The following SIX4 variants were observed in gnomAD, a reference collection of about 807,000 sequenced individuals.
SIX4 encodes the protein homeobox protein SIX4.
Under a neutral mutation model 51.5 loss-of-function variants are expected in SIX4, and 23 were observed. That is an observed-to-expected ratio of 0.45 (90% CI 0.32 to 0.63). SIX4 has a LOEUF of 0.63. Among genes scored for constraint, SIX4 ranks in the 30% least tolerant of loss-of-function variants. The pLI is 0.04. For missense variants in SIX4, 867 were observed against 984.0 expected (o/e 0.88, Z 1.59); for synonymous variants, 413 against 417.3 (o/e 0.99, Z 0.13).
In SIX4 at chr14:60,722,494, T is replaced by C. The variant is rs1896040851; in HGVS notation, c.863+718A>G. 1.3e-5 allele frequency among the ~76,000 whole-genome samples: 2 copies of C among 152,060 alleles called. No homozygotes were observed. The highest frequency in any genetic ancestry group is 2.9e-5 in the Non-Finnish European group (2 of 67,996). ...CCCCGGCTGCGCTGAAACCCGATCCTAAGGAGTTCAGAATCAGGTTTCAAA... is the reference window on the plus strand; with the variant it reads ...CCCCGGCTGCGCTGAAACCCGATCCCAAGGAGTTCAGAATCAGGTTTCAAA... On this transcript the variant is annotated intron_variant, in intron 1 of 2. Coordinates refer to ENST00000216513, the MANE Select transcript of SIX4 (RefSeq NM_017420.5). This position sits in a 1 kb window ranked among gnomAD's most constrained non-coding sequence, Gnocchi z 5.9.
chr14:60,723,062 G>C (rs1011157744), intron 1 of SIX4, 150 bp downstream of exon 1: 4 of 1,412,670 alleles, frequency 2.8e-6, no homozygotes, highest in South Asian at 1.6e-5. Flanking sequence ...TCTGCCGGCC[G>C]GGGAGCGAGG....
At position 60,713,657 on chromosome 14, in the gene SIX4, G is replaced by T; in HGVS notation, c.2096C>A (p.Pro699His). The T allele has an allele frequency of 6.2e-7, 1 of 1,614,182 alleles. No homozygotes were observed. The highest frequency in any genetic ancestry group is 8.5e-7 in the Non-Finnish European group (1 of 1,180,036). The change falls in exon 3 of 3, where the codon CCC (proline) becomes CAC (histidine). Residue 699 changes from proline to histidine, a missense_variant. Transcript: ENST00000216513. ...AAAATCCTGATGTACTGCTGGGGAGGGGTGACCTACCTGATCTTCAGCTGT... is the reference window on the plus strand; with the variant it reads ...AAAATCCTGATGTACTGCTGGGGAGTGGTGACCTACCTGATCTTCAGCTGT... The part of the protein sequence containing the change: ...VPTAEDQVGH[P>H]SPAVHQDFVQ...
Position 60,724,309 on chromosome 14 carries a change from G to T in SIX4, c.-235C>A. The T allele has an allele frequency of 6.6e-7, 1 of 1,512,402 alleles. No individual in the cohort carries two copies. The highest frequency in any genetic ancestry group is 2.5e-5 in the East Asian group (1 of 39,236). 93.7% of individuals were successfully genotyped at this position (1,512,402 alleles called of 1,614,324 possible). Reference sequence around the variant, plus strand: ...TGTAAACGGATAGCTGCTTTCTGCCGTTCCCCCAACGTGACTCCTCCGGTT... The same window carrying T: ...TGTAAACGGATAGCTGCTTTCTGCCTTTCCCCCAACGTGACTCCTCCGGTT... On this transcript the variant is annotated 5_prime_UTR_variant, in exon 1 of 3. Transcript: ENST00000216513.
Position 60,714,114 on chromosome 14 carries a change from A to C in SIX4, c.1639T>G (p.Ser547Ala), listed in dbSNP as rs1378177991. The change falls in exon 3 of 3, where the codon TCT becomes GCT. Residue 547 changes from serine to alanine, a missense_variant. By Grantham distance (99) the Ser-to-Ala change is moderately conservative. Coordinates refer to ENST00000216513, the MANE Select transcript of SIX4 (RefSeq NM_017420.5). Reference protein sequence around the residue: ...TVQQGKVFLSSLAPSAVVYTV... With the variant: ...TVQQGKVFLSALAPSAVVYTV... Reference sequence around the variant, plus strand: ...TATACCACTGCACTGGGAGCAAGAGAGCTCAAGAAAACCTTTCCTTGCTGG... The same window carrying C: ...TATACCACTGCACTGGGAGCAAGAGCGCTCAAGAAAACCTTTCCTTGCTGG... 1 of 1,613,938 alleles carries C rather than the reference A, an allele frequency of 6.2e-7. No homozygotes were observed. The highest frequency in any genetic ancestry group is 1.3e-5 in the African/African-American group (1 of 74,930).
rs144143433 is a variant in SIX4 at position 60,718,718 on chromosome 14, T to G, written c.1549+1042A>C. On this transcript the variant is annotated intron_variant, in intron 2 of 2. Transcript: ENST00000216513. ...ACCATTTTGCCTAAAGAAATGCAAA[T>G]GTACAGAATGAAATTTAGAACAATT... Among the ~76,000 whole-genome samples the G allele has an allele frequency of 5.2e-3, 788 of 152,292 alleles. 14 individuals are homozygous for G. The highest frequency in any genetic ancestry group is 0.018 in the African/African-American group (738 of 41,566).
chr14:60,717,993 CA>C lies in SIX4; in HGVS notation c.1549+1766del. 2 of 236,692 alleles carry C rather than the reference CA, an allele frequency of 8.4e-6. No homozygotes were observed. The highest frequency in any genetic ancestry group is 8.4e-6 in the Non-Finnish European group (1 of 119,144). The allele number at this position is 236,692 out of a possible 1,614,324, so 14.7% of individuals were successfully genotyped here. ...CGCCACTGTACTCCAGCCTGGGTGA[CA>C]AAATGAGTCTCCGCCTAAAAATAAT... On this transcript the variant is annotated intron_variant, in intron 2 of 2. Coordinates refer to ENST00000216513, the MANE Select transcript of SIX4 (RefSeq NM_017420.5). This position sits in a 1 kb window ranked among gnomAD's most constrained non-coding sequence, Gnocchi z 4.6.
intron 1 of SIX4, 72 bp downstream of exon 1, chr14:60,723,140 A>G: frequency 1.4e-6 from 2 of 1,449,140 alleles, no homozygotes; most frequent in Non-Finnish European, 1.8e-6. Flanking sequence ...GTTTGCGAGC[A>G]CTTGGAGGAA....
chr14:60,719,730 G>T lies in SIX4; in HGVS notation c.1549+30C>A. On this transcript the variant is annotated intron_variant, in intron 2 of 2. Transcript: ENST00000216513. The surrounding 1 kb of genome is among the most constrained non-coding windows in gnomAD (Gnocchi z 4.9). ...CAGCAGCTGATGAACACATTTGCTGGTGCATTAAGGTACCAAATGAGATTG... is the reference window on the plus strand; with the variant it reads ...CAGCAGCTGATGAACACATTTGCTGTTGCATTAAGGTACCAAATGAGATTG... The T allele has an allele frequency of 1.3e-6, 2 of 1,597,166 alleles. No homozygotes were observed. Among genetic ancestry groups the T allele is most frequent in the Non-Finnish European group, 8.6e-7 (1 of 1,168,958 alleles).
In SIX4 at chr14:60,723,684, G is replaced by A. The variant is rs551373303; in HGVS notation, c.391C>T (p.Arg131Trp). The change falls in exon 1 of 3, where the codon CGG becomes TGG. Residue 131 changes from arginine (R) to tryptophan (W), a missense_variant. Coordinates refer to ENST00000216513, the MANE Select transcript of SIX4 (RefSeq NM_017420.5). ...QQGGNLDRLA[R>W]FLWSLPQSDL... Reference sequence around the variant, plus strand: ...CTCTGGGGCAGGGACCACAGGAACCGGGCCAGGCGGTCCAGGTTGCCCCCC... The same window carrying A: ...CTCTGGGGCAGGGACCACAGGAACCAGGCCAGGCGGTCCAGGTTGCCCCCC... 3.8e-6 allele frequency: 6 copies of A among 1,571,918 alleles called. No individual in the cohort carries two copies. Among genetic ancestry groups the A allele is most frequent in the Admixed American group, 1.9e-5 (1 of 53,300 alleles).
Position 60,724,298 on chromosome 14 carries a change from T to A in SIX4, c.-224A>T, listed in dbSNP as rs1455975144. The A allele has an allele frequency of 2.0e-6, 3 of 1,520,764 alleles. No homozygotes were observed. The Admixed American group carries it at 5.9e-5, about 30-fold the overall frequency. The allele number at this position is 1,520,764 out of a possible 1,614,324, so 94.2% of individuals were successfully genotyped here. A position where few individuals can be genotyped will look rare whatever the true frequency, so the allele number is the denominator to read the frequency against. ...GAGCAAAGTAGTGTAAACGGATAGC[T>A]GCTTTCTGCCGTTCCCCCAACGTGA... is the stretch of plus-strand genomic sequence containing the variant. On this transcript the variant is annotated 5_prime_UTR_variant, in exon 1 of 3. Coordinates refer to ENST00000216513, the MANE Select transcript of SIX4 (RefSeq NM_017420.5).
chr14:60,714,312 C>G (rs144166664), intron 2 of SIX4, 109 bp from the exon 3 acceptor site: 1 of 942,834 alleles, frequency 1.1e-6, no homozygotes, highest in Non-Finnish European at 1.5e-6. Flanking sequence ...AGCAACACTT[C>G]CATACAATCA....
intron 2 of SIX4, among the ~76,000 whole-genome samples, chr14:60,714,798 T>C (rs1895891547): frequency 6.6e-6 from 1 of 151,822 alleles, no homozygotes; most frequent in Non-Finnish European, 1.5e-5. Context: ...CCCAAGTAGC[T>C]GTGACTATAG....
chr14:60,713,711 G>C lies in SIX4; in HGVS notation c.2042C>G (p.Thr681Ser). The C allele has an allele frequency of 6.2e-7, 1 of 1,614,260 alleles. No homozygotes were observed. Among genetic ancestry groups the C allele is most frequent in the South Asian group, 1.1e-5 (1 of 91,082 alleles). ...AACTATTTCCCCAAGGGCAGCCTGA[G>C]TCATAGGGACTGACAATAGGTCTTG... The part of the protein sequence containing the change: ...TGQDLLSVPM[T>S]QAALGEIVPT... Residue 681 changes from threonine (T) to serine (S), a missense_variant, in exon 3 of 3, where the codon ACT becomes AGT. Transcript: ENST00000216513.
chr14:60,721,048 A>C, intron 1 of SIX4: 1 of 985,858 alleles, frequency 1.0e-6, no homozygotes, highest in Non-Finnish European at 1.2e-6. Flanking sequence ...TCCTTGTTGT[A>C]GGAAAAGGCA....
rs8017918 is a variant in SIX4 at position 60,711,061 on chromosome 14, G to A, written c.*2346C>T. ...AACTAAAAACCTCCCCATCTCTCTT[G>A]TTGGATGGGTATTTGAAAATAACAA... On this transcript the variant is annotated 3_prime_UTR_variant, in exon 3 of 3. Coordinates refer to ENST00000216513, the MANE Select transcript of SIX4 (RefSeq NM_017420.5). 143,217 of 151,310 alleles carry A rather than the reference G, an allele frequency of 0.95. 68,056 individuals are homozygous for A. Among genetic ancestry groups the A allele is most frequent in the Non-Finnish European group, 0.99 (67,211 of 67,822 alleles). 9.4% of individuals were successfully genotyped at this position (151,310 alleles called of 1,614,324 possible). A position where few individuals can be genotyped will look rare whatever the true frequency, so the allele number is the denominator to read the frequency against.
chr14:60,723,001 G>T, intron 1 of SIX4: 1 of 1,041,176 alleles, frequency 9.6e-7, no homozygotes, highest in Non-Finnish European at 1.3e-6. Context: ...GGGGAGAGGG[G>T]GAGGGTAAGG....
At chr14:60,716,854 A>G (rs768427253) in intron 2 of SIX4, among the ~76,000 whole-genome samples, 1 of 152,228 alleles carries the variant, frequency 6.6e-6, no homozygotes, top group Non-Finnish European at 1.5e-5. Context: ...ATGCAAAGGA[A>G]TGTCTTCAAG....
chr14:60,721,276 ATC>A, intron 1 of SIX4: 2 of 217,530 alleles, frequency 9.2e-6, no homozygotes, highest in Non-Finnish European at 1.5e-5. Context: ...GAAATACCAA[ATC>A]GGGGTTGGGG....
rs1299904920 is a variant in SIX4 at position 60,718,461 on chromosome 14, A to C, written c.1549+1299T>G. Among the ~76,000 whole-genome samples, 4 of 152,178 alleles carry C rather than the reference A, an allele frequency of 2.6e-5. No homozygotes were observed. In the East Asian group the frequency reaches 7.7e-4, roughly 29 times the overall value. ...CTACTTTTCTCCTCCCCCAACATAC[A>C]TAACTCATTCTTTCTGCTCAAATTT... On this transcript the variant is annotated intron_variant, in intron 2 of 2. Transcript: ENST00000216513.
Sources: gnomAD v4.1 joint callset for allele counts (sites outside exome capture counted in the v4.1 genomes callset) on GRCh38, gnomAD v4.1.1 for gene constraint, Gnocchi (gnomAD v3.1) non-coding constraint, MANE v1.5 for transcripts, NCBI Gene and HGNC (gene_info 2026-07-23, HGNC 2026-07-21) for gene names.